KDM7A: variants seen among roughly 807,000 people sequenced by gnomAD.
KDM7A encodes lysine-specific demethylase 7A.
In KDM7A, 28 loss-of-function variants were observed where a neutral mutation model predicts 114.8. The ratio of observed to expected loss-of-function variants is 0.24; its 90% confidence interval spans 0.18 to 0.33. KDM7A has a LOEUF of 0.33. Ranked by LOEUF, KDM7A falls within the 10% of genes least tolerant of loss-of-function variation. The pLI is 1.00. For synonymous variants in KDM7A, 423 were observed against 397.8 expected (o/e 1.06, Z -0.75); for missense variants, 942 against 1,142.5 (o/e 0.82, Z 2.53).
At chr7:140,145,981 G>C (rs922679590) in intron 1 of KDM7A, among the ~76,000 whole-genome samples, 1 of 152,180 alleles carries the variant, frequency 6.6e-6, no homozygotes, top group Non-Finnish European at 1.5e-5. Context: ...AATCTTCAAT[G>C]ATGTATGAGT....
At chr7:140,101,433 G>C (rs1247998509) in intron 12 of KDM7A, among the ~76,000 whole-genome samples, 1 of 152,086 alleles carries the variant, frequency 6.6e-6, no homozygotes, top group East Asian at 1.9e-4. Flanking sequence ...GTAACCATTT[G>C]ACTTCTTCCT....
At position 140,102,168 on chromosome 7, in the gene KDM7A, A is replaced by T; in HGVS notation, c.1429-8T>A. The T allele has an allele frequency of 6.3e-7, 1 of 1,589,602 alleles. No individual in the cohort carries two copies. The highest frequency in any genetic ancestry group is 8.6e-7 in the Non-Finnish European group (1 of 1,157,772). On this transcript the variant is annotated splice_polypyrimidine_tract_variant and splice_region_variant and intron_variant, in intron 11 of 19. Transcript: ENST00000397560. ...TGGTTTGCCGTTTTCCTCCTTTAAGAATTAAAATCAGAGTATTTTTATAAG... is the reference window on the plus strand; with the variant it reads ...TGGTTTGCCGTTTTCCTCCTTTAAGTATTAAAATCAGAGTATTTTTATAAG...
At chr7:140,127,947 T>A (rs1818732420) in intron 4 of KDM7A, among the ~76,000 whole-genome samples, 1 of 152,170 alleles carries the variant, frequency 6.6e-6, no homozygotes, top group Admixed American at 6.5e-5. Flanking sequence ...TGGATTTCAG[T>A]TTTCTCAGGC....
intron 1 of KDM7A, among the ~76,000 whole-genome samples, chr7:140,166,770 G>A (rs1287599526): frequency 3.3e-5 from 5 of 152,100 alleles, no homozygotes; most frequent in Non-Finnish European, 5.9e-5. Flanking sequence ...AACTCTATAC[G>A]AGAGGTATAA....
intron 1 of KDM7A, among the ~76,000 whole-genome samples, chr7:140,165,601 CA>C (rs1189614105): frequency 1.3e-5 from 2 of 152,272 alleles, no homozygotes; most frequent in African/African-American, 4.8e-5. Flanking sequence ...TGAAATCTTG[CA>C]CCATCCCATC....
At position 140,097,610 on chromosome 7, in the gene KDM7A, T is replaced by TC; in HGVS notation, c.1950dup (p.Ser651GlufsTer2). 1 of 1,606,244 alleles carries TC rather than the reference T, an allele frequency of 6.2e-7. No homozygotes were observed. The highest frequency in any genetic ancestry group is 8.5e-7 in the Non-Finnish European group (1 of 1,173,022). On this transcript the variant is annotated frameshift_variant, in exon 15 of 20. Coordinates refer to ENST00000397560, the MANE Select transcript of KDM7A (RefSeq NM_030647.2). ...ATATCAGAATATCCTGATGATCTAC[T>TC]CCTGAGTTCTGATTTCACACGTGTA...
chr7:140,147,674 C>T lies in KDM7A; in HGVS notation c.195-8484G>A, dbSNP rs10231457. 1.9e-3 allele frequency among the ~76,000 whole-genome samples: 290 copies of T among 152,246 alleles called. 5 individuals carry two copies. In the South Asian group the frequency reaches 0.02, roughly 10 times the overall value. On this transcript the variant is annotated intron_variant, in intron 1 of 19. Transcript: ENST00000397560. ...AGTGGCCTTTGAGGTAAATTAACTC[C>T]GGGAATACAGAGGATAGCTGACAGC...
intron 9 of KDM7A, among the ~76,000 whole-genome samples, chr7:140,115,847 C>G (rs973690384): frequency 4.6e-5 from 5 of 109,408 alleles, no homozygotes; most frequent in South Asian, 2.8e-4. Flanking sequence ...ATTAATAGTA[C>G]AAGAAAAGTA....
intron 1 of KDM7A, among the ~76,000 whole-genome samples, chr7:140,171,579 ATATT>A (rs998205626): frequency 5.3e-5 from 7 of 131,604 alleles, no homozygotes; most frequent in African/African-American, 2.0e-4. Context: ...TTATATATAT[ATATT>A]TTTATATAGT....
At chr7:140,154,309 C>A (rs1355074214) in intron 1 of KDM7A, among the ~76,000 whole-genome samples, 1 of 150,756 alleles carries the variant, frequency 6.6e-6, no homozygotes, top group African/African-American at 2.4e-5. Context: ...ATAATGAGAC[C>A]CCCGTCACTA....
rs767040178 is a variant in KDM7A, at chr7:140,097,541, G to A, written c.2016+4C>T. The stretch of plus-strand genomic sequence containing the variant: ...ACGTACAAGCCATGGGGTCTCAGGC[G>A]TACCAGTGCAGTGCACTCGGGTCCG... On this transcript the variant is annotated splice_donor_region_variant and intron_variant, in intron 15 of 19. Transcript: ENST00000397560. 24 of 1,507,202 alleles carry A rather than the reference G, an allele frequency of 1.6e-5. No individual in the cohort carries two copies. The highest frequency in any genetic ancestry group is 4.5e-5 in the East Asian group (2 of 44,260). The allele number at this position is 1,507,202 out of a possible 1,614,324, so 93.4% of individuals were successfully genotyped here.
intron 14 of KDM7A, 77 bp downstream of exon 14, chr7:140,098,802 C>G: frequency 7.6e-7 from 1 of 1,312,832 alleles, no homozygotes; most frequent in Non-Finnish European, 1.1e-6. Flanking sequence ...TTAAGAACTT[C>G]AAAATTAGCA....
intron 13 of KDM7A, among the ~76,000 whole-genome samples, 153 bp from the exon 14 acceptor site, chr7:140,099,186 G>A (rs1008023113): frequency 1.3e-5 from 2 of 152,006 alleles, no homozygotes; most frequent in African/African-American, 4.8e-5. Context: ...CTAGGGATCT[G>A]AGGTTCGTTT....
chr7:140,112,329 G>A (rs531965384), intron 10 of KDM7A, among the ~76,000 whole-genome samples: 2 of 152,294 alleles, frequency 1.3e-5, no homozygotes, highest in Non-Finnish European at 1.5e-5. Flanking sequence ...TATGGACACA[G>A]CCAGGCACAG....
chr7:140,104,434 T>G (rs1171393076), intron 11 of KDM7A, among the ~76,000 whole-genome samples: 3 of 152,198 alleles, frequency 2.0e-5, no homozygotes, highest in Non-Finnish European at 2.9e-5. Context: ...GTTTTTATGG[T>G]TTTAGGTCTA....
In KDM7A at chr7:140,158,245, T is replaced by G. The variant is rs765302218; in HGVS notation, c.194+18499A>C. ...TTTAAGTATTGACTTACAACTTACA[T>G]GTTAAAAGCACCACTCTGGCTTCTG... On this transcript the variant is annotated intron_variant, in intron 1 of 19. Coordinates refer to ENST00000397560, the MANE Select transcript of KDM7A (RefSeq NM_030647.2). Among the ~76,000 whole-genome samples, 12 of 152,122 alleles carry G rather than the reference T, an allele frequency of 7.9e-5. 1 individual carries two copies. Among genetic ancestry groups the G allele is most frequent in the African/African-American group, 2.9e-4 (12 of 41,440 alleles).
At chr7:140,171,956 T>G (rs1002553115) in intron 1 of KDM7A, among the ~76,000 whole-genome samples, 9 of 152,184 alleles carry the variant, frequency 5.9e-5, no homozygotes, top group Admixed American at 5.9e-4. Context: ...GGGGACAACA[T>G]GAAAAATGCT....
chr7:140,170,792 T>G (rs751553884), intron 1 of KDM7A, among the ~76,000 whole-genome samples: 1 of 152,246 alleles, frequency 6.6e-6, no homozygotes, highest in South Asian at 2.1e-4. Flanking sequence ...GCTGTATTTC[T>G]AGCACAAATA....
chr7:140,113,339 T>C (rs1818463412), intron 10 of KDM7A, 152 bp downstream of exon 10: 1 of 470,628 alleles, frequency 2.1e-6, no homozygotes, highest in Non-Finnish European at 3.8e-6. Context: ...CATTTGTATA[T>C]ACTGAATAAT....
Sources: gnomAD v4.1 joint callset for allele counts (sites outside exome capture counted in the v4.1 genomes callset) on GRCh38, gnomAD v4.1.1 for gene constraint, MANE v1.5 for transcripts, NCBI Gene and HGNC (gene_info 2026-07-23, HGNC 2026-07-21) for gene names.